TFDP2: variants seen among roughly 807,000 people sequenced by gnomAD.
TFDP2 encodes the protein transcription factor Dp-2.
Under a neutral mutation model 59.3 loss-of-function variants are expected in TFDP2, and 17 were observed. The ratio of observed to expected loss-of-function variants is 0.29; its 90% confidence interval spans 0.20 to 0.43. The LOEUF (loss-of-function observed/expected upper bound fraction) is 0.43, where lower values mean the gene tolerates loss of function less well. Ranked by LOEUF, TFDP2 falls within the 20% of genes least tolerant of loss-of-function variation. The probability of loss-of-function intolerance (pLI) is 1.00; values close to 1 mark genes in which losing one functional copy is unlikely to be tolerated. For missense variants in TFDP2, 391 were observed against 528.8 expected, an observed-to-expected ratio of 0.74 and a Z score of 2.56; for synonymous variants, 180 against 194.7, an observed-to-expected ratio of 0.92 and a Z score of 0.63.
At chr3:142,045,845 A>G (rs1947321097) in intron 3 of TFDP2, among the ~76,000 whole-genome samples, 1 of 151,620 alleles carries the variant, frequency 6.6e-6, no homozygotes, top group Non-Finnish European at 1.5e-5. Context: ...CTGGTCTCAA[A>G]ATCCTGACCT....
intron 3 of TFDP2, among the ~76,000 whole-genome samples, chr3:142,021,495 C>T (rs1398232641): frequency 6.6e-6 from 1 of 152,154 alleles, no homozygotes; most frequent in Non-Finnish European, 1.5e-5. Context: ...GCTCTATGGT[C>T]ATATTTCTAA....
rs567990292 is a variant in TFDP2 at position 142,052,715 on chromosome 3, G to A, written c.82+40346C>T. ...AAAGTAGCTGGAACTACTAGGCTGG[G>A]TAGTCTCCCTCCCAAGGGTAGTCCA... is the stretch of plus-strand genomic sequence containing the variant. On this transcript the variant is annotated intron_variant, in intron 3 of 12. Transcript: ENST00000489671. Among the ~76,000 whole-genome samples, 397 of 152,138 alleles carry A rather than the reference G, an allele frequency of 2.6e-3. 2 individuals are homozygous for A. The highest frequency in any genetic ancestry group is 4.2e-3 in the Non-Finnish European group (287 of 67,988).
intron 4 of TFDP2, among the ~76,000 whole-genome samples, chr3:141,997,711 G>A (rs1003129357): frequency 1.1e-4 from 16 of 151,854 alleles, no homozygotes; most frequent in South Asian, 2.1e-4. Flanking sequence ...TTAGCTGGGC[G>A]TGGGGGTGGG....
intron 3 of TFDP2, among the ~76,000 whole-genome samples, chr3:142,038,732 A>AT (rs144925142): frequency 0.059 from 8,909 of 151,342 alleles, 306 homozygotes; most frequent in Middle Eastern, 0.11. Context: ...TATGATACAT[A>AT]TTTTTTTTTA....
chr3:142,089,001 T>C (rs577988308), intron 3 of TFDP2, among the ~76,000 whole-genome samples: 9 of 152,116 alleles, frequency 5.9e-5, no homozygotes, highest in African/African-American at 2.2e-4. Flanking sequence ...CTAATTTTTG[T>C]ATTTTTTAGT....
At chr3:141,993,399 A>G in intron 6 of TFDP2, 139 bp downstream of exon 6, 1 of 527,902 alleles carries the variant, frequency 1.9e-6, no homozygotes, top group Non-Finnish European at 3.4e-6. Context: ...CACTCAATGC[A>G]GAATGAAATA....
rs560564052 is a variant in TFDP2, at chr3:142,125,033, C to T, written c.-92-23192G>A. On this transcript the variant is annotated intron_variant, in intron 1 of 12. Transcript: ENST00000489671. ...CAACATAAGGTGATTCCATCTTTACCGAAAAAAAAAAATTTTTTTTAAATT... is the reference window on the plus strand; with the variant it reads ...CAACATAAGGTGATTCCATCTTTACTGAAAAAAAAAAATTTTTTTTAAATT... 2.7e-5 allele frequency among the ~76,000 whole-genome samples: 4 copies of T among 150,450 alleles called. No homozygotes were observed. The East Asian group carries it at 5.8e-4, about 22-fold the overall frequency.
intron 1 of TFDP2, among the ~76,000 whole-genome samples, chr3:142,119,782 G>A (rs1194576518): frequency 3.3e-5 from 5 of 152,322 alleles, no homozygotes; most frequent in African/African-American, 7.2e-5. Context: ...CGGGTGCAGC[G>A]GCTCACGCCT....
At chr3:142,118,154 T>C (rs969003817) in intron 1 of TFDP2, among the ~76,000 whole-genome samples, 9 of 151,936 alleles carry the variant, frequency 5.9e-5, no homozygotes, top group African/African-American at 2.2e-4. Context: ...AGAAACAAAA[T>C]ATTAATAGAA....
rs1937373603 is a variant in TFDP2 at position 141,961,609 on chromosome 3, AGT to A, written c.885-1771_885-1770del. Among the ~76,000 whole-genome samples the A allele has an allele frequency of 2.0e-5, 3 of 152,134 alleles. No individual in the cohort carries two copies. The South Asian group carries it at 6.2e-4, about 32-fold the overall frequency. ...GACATATATTTATAAAGAATTTGCA[AGT>A]GTGTGGAAAATAATTCAGATATCTA... On this transcript the variant is annotated intron_variant, in intron 10 of 12. Transcript: ENST00000489671.
At position 142,121,457 on chromosome 3, in the gene TFDP2, T is replaced by A. The variant is rs1221710990; in HGVS notation, c.-92-19616A>T. ...GAATCAGGTTCTAACTCGAGTTAAATTAGTAATAGAGATAATTAGTTAAAA... is the reference window on the plus strand; with the variant it reads ...GAATCAGGTTCTAACTCGAGTTAAAATAGTAATAGAGATAATTAGTTAAAA... On this transcript the variant is annotated intron_variant, in intron 1 of 12. Transcript: ENST00000489671. The surrounding 1 kb of genome is among the most constrained non-coding windows in gnomAD (Gnocchi z 4.3). Among the ~76,000 whole-genome samples, 1 of 152,180 alleles carries A rather than the reference T, an allele frequency of 6.6e-6. No individual in the cohort carries two copies. Among genetic ancestry groups the A allele is most frequent in the East Asian group, 1.9e-4 (1 of 5,202 alleles).
chr3:141,989,644 T>C (rs1455973317), intron 6 of TFDP2: 1 of 152,180 alleles, frequency 6.6e-6, no homozygotes, highest in Non-Finnish European at 1.5e-5. Flanking sequence ...TCGCCCTCCT[T>C]ACTTCCTCCA....
chr3:142,087,551 A>C (rs1050873754), intron 3 of TFDP2, among the ~76,000 whole-genome samples: 1 of 147,130 alleles, frequency 6.8e-6, no homozygotes, highest in African/African-American at 2.5e-5. Context: ...CCTAGGCTGG[A>C]GTTCAGTGGT....
intron 9 of TFDP2, among the ~76,000 whole-genome samples, chr3:141,969,414 C>T (rs895981673): frequency 4.0e-5 from 6 of 150,464 alleles, no homozygotes; most frequent in Admixed American, 2.7e-4. Flanking sequence ...AGTTCAAGAC[C>T]AGCCTGGCCA....
intron 3 of TFDP2, among the ~76,000 whole-genome samples, chr3:142,016,919 T>A (rs1945173376): frequency 6.6e-6 from 1 of 152,176 alleles, no homozygotes; most frequent in Admixed American, 6.5e-5. Context: ...TCTGACCTTG[T>A]CACCTGTCAA....
chr3:142,041,898 T>C (rs545730095), intron 3 of TFDP2, among the ~76,000 whole-genome samples: 1 of 152,336 alleles, frequency 6.6e-6, no homozygotes, highest in Non-Finnish European at 1.5e-5. Flanking sequence ...TGTTCTAGCA[T>C]CATTTGTTGA....
intron 1 of TFDP2, among the ~76,000 whole-genome samples, chr3:142,105,601 T>A (rs2061445138): frequency 6.6e-6 from 1 of 152,184 alleles, no homozygotes; most frequent in Non-Finnish European, 1.5e-5. Flanking sequence ...GTCACTGTGT[T>A]ATTCACGTAA....
chr3:142,037,152 C>T (rs1355153605), intron 3 of TFDP2, among the ~76,000 whole-genome samples: 1 of 152,128 alleles, frequency 6.6e-6, no homozygotes, highest in Non-Finnish European at 1.5e-5. Flanking sequence ...TCTTAATAAG[C>T]TGTCATCAAA....
At chr3:142,138,813 T>C (rs1230957833) in intron 1 of TFDP2, among the ~76,000 whole-genome samples, 1 of 152,220 alleles carries the variant, frequency 6.6e-6, no homozygotes, top group East Asian at 1.9e-4. Flanking sequence ...TTAGAATAAG[T>C]GTGATATGGT....
Sources: allele counts gnomAD v4.1 joint callset (sites outside exome capture counted in the v4.1 genomes callset), GRCh38; gene constraint gnomAD v4.1.1; non-coding constraint Gnocchi (gnomAD v3.1); transcripts MANE v1.5; gene names NCBI Gene and HGNC (gene_info 2026-07-23, HGNC 2026-07-21).